Variants in H3-3A observed in about 807,000 individuals in gnomAD.
The protein encoded by H3-3A is H3.3 histone A.
For missense variants in H3-3A, 7 were observed against 184.0 expected (o/e 0.04, Z 5.57); for synonymous variants, 49 against 61.4 (o/e 0.80, Z 0.95).
chr1:226,070,117 GGGTACGTAGAGGAA>G (rs1658057242), intron 3 of H3-3A, among the ~76,000 whole-genome samples: 1 of 152,138 alleles, frequency 6.6e-6, no homozygotes, highest in South Asian at 2.1e-4. Flanking sequence ...TTACAAATTG[GGGTACGTAGAGGAA>G]GGTACTTGGT....
chr1:226,063,318 C>T (rs1657800962), intron 1 of H3-3A, among the ~76,000 whole-genome samples: 1 of 152,160 alleles, frequency 6.6e-6, no homozygotes, highest in African/African-American at 2.4e-5. Flanking sequence ...TATTTTTTCC[C>T]CCGTTTCTCT....
At chr1:226,070,059 G>A (rs1658055060) in intron 3 of H3-3A, among the ~76,000 whole-genome samples, 1 of 152,110 alleles carries the variant, frequency 6.6e-6, no homozygotes, top group Admixed American at 6.5e-5. Flanking sequence ...CAGTCAAATG[G>A]GAAAAACCAG....
chr1:226,062,112 G>A (rs1247272910), upstream of H3-3A: 1 of 152,150 alleles, frequency 6.6e-6, no homozygotes. Context: ...AGCGGGCGCG[G>A]GACGCTGGAT....
At chr1:226,064,146 AGTTT>A (rs1207064316) in intron 1 of H3-3A, 179 bp from the exon 2 acceptor site, 6 of 499,554 alleles carry the variant, frequency 1.2e-5, no homozygotes, top group Non-Finnish European at 2.2e-5. Flanking sequence ...CTAGTACTCT[AGTTT>A]GTTTCAAGAA....
At chr1:226,068,059 A>G (rs528345080) in intron 3 of H3-3A, among the ~76,000 whole-genome samples, 5 of 152,370 alleles carry the variant, frequency 3.3e-5, no homozygotes, top group African/African-American at 1.2e-4. Context: ...AATATACTCA[A>G]AATGTCCTAA....
intron 3 of H3-3A, among the ~76,000 whole-genome samples, chr1:226,069,352 G>A (rs1658026845): frequency 6.6e-6 from 1 of 152,042 alleles, no homozygotes; most frequent in Non-Finnish European, 1.5e-5. Flanking sequence ...ACCTGGTCTG[G>A]AATTTTTTTT....
At chr1:226,070,709 G>T (rs1658085776) in intron 3 of H3-3A, among the ~76,000 whole-genome samples, 1 of 150,684 alleles carries the variant, frequency 6.6e-6, no homozygotes, top group Non-Finnish European at 1.5e-5. Flanking sequence ...GGAGGTGGAG[G>T]TTGCAGTGAG....
chr1:226,062,098 C>A (rs566509837), upstream of H3-3A: 1 of 152,260 alleles, frequency 6.6e-6, no homozygotes, highest in South Asian at 2.1e-4. Flanking sequence ...CGGCCAGGTC[C>A]GACAGCGGGC....
At chr1:226,068,963 G>T (rs1029808260) in intron 3 of H3-3A, among the ~76,000 whole-genome samples, 17 of 152,078 alleles carry the variant, frequency 1.1e-4, no homozygotes, top group African/African-American at 3.9e-4. Context: ...AGAAACACAC[G>T]TGAAAATAGT....
intron 1 of H3-3A, among the ~76,000 whole-genome samples, chr1:226,063,541 T>C (rs1657812986): frequency 6.6e-6 from 1 of 152,148 alleles, no homozygotes; most frequent in African/African-American, 2.4e-5. Flanking sequence ...TCCATTTTGT[T>C]CTGGTCGGGG....
chr1:226,065,883 G>A (rs1380661994), intron 3 of H3-3A, 74 bp downstream of exon 3: 1 of 1,104,872 alleles, frequency 9.1e-7, no homozygotes, highest in Admixed American at 2.0e-5. Flanking sequence ...ATTGTTGCAT[G>A]TGCTTATATC....
intron 1 of H3-3A, among the ~76,000 whole-genome samples, chr1:226,063,043 C>T (rs1480486790): frequency 6.6e-6 from 1 of 152,090 alleles, no homozygotes; most frequent in African/African-American, 2.4e-5. Context: ...GGCGCCGAGC[C>T]TGCTCTCCCT....
rs1657983383 is a variant in H3-3A at position 226,068,042 on chromosome 1, G to A, written c.282+2233G>A. Among the ~76,000 whole-genome samples, 2 of 152,236 alleles carry A rather than the reference G, an allele frequency of 1.3e-5. 1 individual carries two copies. Among genetic ancestry groups the A allele is most frequent in the Admixed American group, 1.3e-4 (2 of 15,290 alleles). ...GTTGCTTTGAAATGGTAAAGAGGCA[G>A]ACGTTGAATATACTCAAAATGTCCT... On this transcript the variant is annotated intron_variant, in intron 3 of 3. Transcript: ENST00000366815.
chr1:226,067,548 G>A (rs764025280), intron 3 of H3-3A, among the ~76,000 whole-genome samples: 3 of 152,088 alleles, frequency 2.0e-5, no homozygotes, highest in Non-Finnish European at 4.4e-5. Context: ...AGACCAGCGT[G>A]GCCAACATGG....
chr1:226,063,256 A>C (rs1433157363), intron 1 of H3-3A, among the ~76,000 whole-genome samples: 1 of 151,982 alleles, frequency 6.6e-6, no homozygotes, highest in South Asian at 2.1e-4. Context: ...CTGCCTCCCC[A>C]CAGTTGTTGC....
chr1:226,064,214 CATT>C (rs1362691475), intron 1 of H3-3A, 112 bp from the exon 2 acceptor site: 18 of 696,816 alleles, frequency 2.6e-5, no homozygotes, highest in Non-Finnish European at 3.8e-5. Flanking sequence ...ACAATACGAA[CATT>C]ATTTTTTATA....
chr1:226,072,019 A>C lies in H3-3A; in HGVS notation c.*540A>C, dbSNP rs1027746974. On this transcript the variant is annotated 3_prime_UTR_variant, in exon 4 of 4. Coordinates refer to ENST00000366815, the MANE Select transcript of H3-3A (RefSeq NM_002107.7). Reference sequence around the variant, plus strand: ...TAAACTATACCTGCTTTTGGTCTTTATTATAGCCTTGCCCTACAATTATAT... The same window carrying C: ...TAAACTATACCTGCTTTTGGTCTTTCTTATAGCCTTGCCCTACAATTATAT... 1.2e-4 allele frequency: 25 copies of C among 211,340 alleles called. No homozygotes were observed. Among genetic ancestry groups the C allele is most frequent in the African/African-American group, 5.6e-4 (25 of 44,254 alleles). The allele number at this position is 211,340 out of a possible 1,614,324, so 13.1% of individuals were successfully genotyped here.
chr1:226,064,556 C>G, intron 2 of H3-3A, 77 bp downstream of exon 2: 3 of 1,261,938 alleles, frequency 2.4e-6, no homozygotes, highest in East Asian at 4.8e-5. Flanking sequence ...AGATGGATAA[C>G]AGGAAAACTT....
At position 226,064,477 on chromosome 1, in the gene H3-3A, C is replaced by T. The variant is rs1410327285; in HGVS notation, c.126C>T (p.Tyr42=). Residue 42 remains tyrosine, a splice_region_variant and synonymous_variant, in exon 2 of 4, where the codon TAC becomes TAT. Coordinates refer to ENST00000366815, the MANE Select transcript of H3-3A (RefSeq NM_002107.7). ...GAGGGGTGAAGAAACCTCATCGTTA[C>T]AGGTATTAAAAAACAGGAAAAAAAT... The part of the protein sequence containing the change: ...STGGVKKPHR[Y]RPGTVALREI... 1.2e-6 allele frequency: 2 copies of T among 1,610,772 alleles called. No individual in the cohort carries two copies. The highest frequency in any genetic ancestry group is 1.7e-6 in the Non-Finnish European group (2 of 1,178,310).
Sources: allele counts gnomAD v4.1 joint callset (sites outside exome capture counted in the v4.1 genomes callset), GRCh38; gene constraint gnomAD v4.1.1; transcripts MANE v1.5; gene names NCBI Gene and HGNC (gene_info 2026-07-23, HGNC 2026-07-21).